ARHGAP10: variants seen among roughly 807,000 people sequenced by gnomAD.
The protein encoded by ARHGAP10 is rho GTPase-activating protein 10.
In ARHGAP10, 87 loss-of-function variants were observed where a neutral mutation model predicts 108.6. The ratio of observed to expected loss-of-function variants is 0.80; its 90% confidence interval spans 0.67 to 0.96. The LOEUF (loss-of-function observed/expected upper bound fraction) is 0.96. ARHGAP10 is among the 40% of genes least tolerant of loss of function. ARHGAP10 has a pLI of 0.00. For missense variants in ARHGAP10, 939 were observed against 954.5 expected (o/e 0.98, Z 0.21); for synonymous variants, 347 against 341.1 (o/e 1.02, Z -0.19).
intron 18 of ARHGAP10, among the ~76,000 whole-genome samples, chr4:148,000,137 C>T (rs189009593): frequency 2.0e-5 from 3 of 152,102 alleles, no homozygotes; most frequent in East Asian, 1.9e-4. Context: ...CAAGTGTTCT[C>T]ATTGTTCAAT....
intron 18 of ARHGAP10, among the ~76,000 whole-genome samples, chr4:147,978,399 C>G (rs1467690899): frequency 2.6e-5 from 4 of 152,048 alleles, no homozygotes; most frequent in Non-Finnish European, 5.9e-5. Context: ...TGGTTTGGCT[C>G]TGTGTCCCCA....
intron 12 of ARHGAP10, among the ~76,000 whole-genome samples, chr4:147,910,348 C>CA (rs34833952): frequency 0.12 from 17,214 of 141,860 alleles, 1,159 homozygotes; most frequent in East Asian, 0.33. Context: ...GAGTCTTTCT[C>CA]AAAAAAAAAA....
intron 18 of ARHGAP10, among the ~76,000 whole-genome samples, chr4:147,993,577 A>G (rs1740360564): frequency 6.6e-6 from 1 of 152,228 alleles, no homozygotes; most frequent in Non-Finnish European, 1.5e-5. Context: ...CAGCTGTGCA[A>G]CTGTGACACA....
chr4:147,953,725 T>A (rs560297569), intron 15 of ARHGAP10, among the ~76,000 whole-genome samples: 1 of 152,012 alleles, frequency 6.6e-6, no homozygotes, highest in African/African-American at 2.4e-5. Context: ...TTTATTTTCT[T>A]TATTTTTCTG....
chr4:147,878,009 T>C (rs1735144866), intron 8 of ARHGAP10, among the ~76,000 whole-genome samples: 2 of 152,194 alleles, frequency 1.3e-5, no homozygotes, highest in Admixed American at 1.3e-4. Context: ...CGATCTCATC[T>C]CACTGCAACT....
intron 1 of ARHGAP10, among the ~76,000 whole-genome samples, chr4:147,773,241 A>G (rs1173730472): frequency 6.6e-6 from 1 of 152,234 alleles, no homozygotes; most frequent in Admixed American, 6.5e-5. Flanking sequence ...ATTAATGTAC[A>G]TATGTATGTA....
intron 1 of ARHGAP10, 76 bp from the exon 2 acceptor site, chr4:147,822,651 T>C (rs780670026): frequency 1.2e-5 from 18 of 1,442,930 alleles, no homozygotes; most frequent in South Asian, 8.1e-5. Flanking sequence ...GCTTTACCAA[T>C]TTTAGGAAGA....
Position 147,870,994 on chromosome 4 carries a change from C to G in ARHGAP10, c.703-4027C>G, listed in dbSNP as rs554332647. On this transcript the variant is annotated intron_variant, in intron 7 of 22. Transcript: ENST00000336498. ...TGTGTGTTTGAGATGGAGTCTTGCTCTGTTGCCCAGGCTGGAGTGCTGTGG... is the reference window on the plus strand; with the variant it reads ...TGTGTGTTTGAGATGGAGTCTTGCTGTGTTGCCCAGGCTGGAGTGCTGTGG... 8.6e-5 allele frequency among the ~76,000 whole-genome samples: 13 copies of G among 150,336 alleles called. No homozygotes were observed. The South Asian group carries it at 2.1e-3, about 24-fold the overall frequency.
At chr4:147,990,461 A>G (rs1740223569) in intron 18 of ARHGAP10, among the ~76,000 whole-genome samples, 1 of 152,246 alleles carries the variant, frequency 6.6e-6, no homozygotes, top group Non-Finnish European at 1.5e-5. Context: ...ACTAAAAGTC[A>G]GAGTGGGCAA....
At chr4:147,960,905 T>A (rs1390885865) in intron 16 of ARHGAP10, among the ~76,000 whole-genome samples, 3 of 152,258 alleles carry the variant, frequency 2.0e-5, no homozygotes, top group Non-Finnish European at 4.4e-5. Flanking sequence ...TCATTCATTT[T>A]CATTGCATTC....
chr4:147,963,883 C>T (rs1193743613), intron 16 of ARHGAP10, among the ~76,000 whole-genome samples: 8 of 152,216 alleles, frequency 5.3e-5, no homozygotes, highest in Admixed American at 2.6e-4. Flanking sequence ...TGCCTGTACA[C>T]GGTCACTATC....
At chr4:148,011,181 G>T (rs1264939424) in intron 18 of ARHGAP10, among the ~76,000 whole-genome samples, 1 of 152,160 alleles carries the variant, frequency 6.6e-6, no homozygotes, top group Non-Finnish European at 1.5e-5. Flanking sequence ...TGATCCCTTG[G>T]TTGGGTGTTA....
intron 18 of ARHGAP10, among the ~76,000 whole-genome samples, chr4:147,983,810 C>A (rs988940327): frequency 6.6e-6 from 1 of 151,544 alleles, no homozygotes; most frequent in Non-Finnish European, 1.5e-5. Context: ...GACATTCATT[C>A]CGGTTAGAAT....
chr4:147,938,692 C>T (rs1198216509), intron 13 of ARHGAP10, among the ~76,000 whole-genome samples: 2 of 152,308 alleles, frequency 1.3e-5, no homozygotes, highest in Non-Finnish European at 2.9e-5. Context: ...AGTAAACCCT[C>T]GTGGTCAAAT....
At chr4:148,026,132 A>G (rs1218154880) in intron 19 of ARHGAP10, among the ~76,000 whole-genome samples, 2 of 152,176 alleles carry the variant, frequency 1.3e-5, no homozygotes, top group Non-Finnish European at 2.9e-5. Flanking sequence ...ATTTGGTCAG[A>G]GATTTGGTAT....
intron 1 of ARHGAP10, among the ~76,000 whole-genome samples, chr4:147,799,248 C>T (rs926259560): frequency 1.3e-5 from 2 of 151,994 alleles, no homozygotes; most frequent in African/African-American, 4.8e-5. Context: ...CCATGTTTGC[C>T]AGGCTGGTCA....
intron 3 of ARHGAP10, among the ~76,000 whole-genome samples, chr4:147,823,812 C>T (rs1732598952): frequency 6.6e-6 from 1 of 152,132 alleles, no homozygotes; most frequent in African/African-American, 2.4e-5. Flanking sequence ...CCATGGGGTG[C>T]TCTTCATATG....
At chr4:148,023,444 A>G in intron 19 of ARHGAP10, 31 bp downstream of exon 19, 1 of 1,603,488 alleles carries the variant, frequency 6.2e-7, no homozygotes, top group Non-Finnish European at 8.5e-7. Context: ...TTTGCTTGAT[A>G]GCATGTTGAG....
intron 1 of ARHGAP10, among the ~76,000 whole-genome samples, chr4:147,782,968 T>C (rs1038945019): frequency 6.6e-5 from 9 of 137,356 alleles, no homozygotes; most frequent in African/African-American, 2.3e-4. Flanking sequence ...TATAATATAT[T>C]AAATTATATA....
Sources: gnomAD v4.1 joint callset for allele counts (sites outside exome capture counted in the v4.1 genomes callset) on GRCh38, gnomAD v4.1.1 for gene constraint, MANE v1.5 for transcripts, NCBI Gene and HGNC (gene_info 2026-07-23, HGNC 2026-07-21) for gene names.